Variants in ANGPT1 observed in about 807,000 individuals in gnomAD.
ANGPT1 encodes the protein angiopoietin-1.
Under a neutral mutation model 62.2 loss-of-function variants are expected in ANGPT1, and 17 were observed. The observed-to-expected ratio is 0.27, with a 90% CI of 0.19 to 0.41. The LOEUF (loss-of-function observed/expected upper bound fraction) is 0.41. ANGPT1 is among the 10% of genes least tolerant of loss of function. The probability of loss-of-function intolerance (pLI) is 1.00; values close to 1 mark genes in which losing one functional copy is unlikely to be tolerated. For missense variants in ANGPT1, 478 were observed against 594.9 expected (o/e 0.80, Z 2.04); for synonymous variants, 199 against 198.9 (o/e 1.00, Z 0.00).
At chr8:107,308,894 C>T (rs542819472) in intron 4 of ANGPT1, among the ~76,000 whole-genome samples, 1 of 152,262 alleles carries the variant, frequency 6.6e-6, no homozygotes, top group South Asian at 2.1e-4. Context: ...CCTGATCTTC[C>T]CTTCCTTTAC....
At chr8:107,416,437 G>A (rs1810747841) in intron 1 of ANGPT1, among the ~76,000 whole-genome samples, 1 of 152,282 alleles carries the variant, frequency 6.6e-6, no homozygotes, top group Admixed American at 6.5e-5. Flanking sequence ...CCAAGTGCAG[G>A]AGCCTTTCCT....
chr8:107,437,615 C>G (rs986504883), intron 1 of ANGPT1, among the ~76,000 whole-genome samples: 2 of 152,118 alleles, frequency 1.3e-5, no homozygotes, highest in Admixed American at 6.5e-5. Flanking sequence ...TTTAACCTTT[C>G]TTTTGCTGCT....
intron 1 of ANGPT1, among the ~76,000 whole-genome samples, chr8:107,424,553 T>C (rs1345086688): frequency 2.0e-5 from 3 of 152,100 alleles, no homozygotes; most frequent in Admixed American, 1.3e-4. Flanking sequence ...AAAAAAAAAT[T>C]GAATGTGATG....
chr8:107,411,253 C>A (rs955161122), intron 1 of ANGPT1, among the ~76,000 whole-genome samples: 1 of 152,116 alleles, frequency 6.6e-6, no homozygotes, highest in Non-Finnish European at 1.5e-5. Context: ...TATTTTGCCT[C>A]CCATGTTGAC....
chr8:107,340,828 T>C (rs1409843636), intron 2 of ANGPT1, among the ~76,000 whole-genome samples: 8 of 152,094 alleles, frequency 5.3e-5, no homozygotes, highest in African/African-American at 9.7e-5. Context: ...AACTTTGAAA[T>C]AGGCCCTGTT....
At chr8:107,345,377 G>T (rs966628393) in intron 2 of ANGPT1, among the ~76,000 whole-genome samples, 4 of 152,110 alleles carry the variant, frequency 2.6e-5, no homozygotes, top group East Asian at 1.9e-4. Context: ...TACATAGCAC[G>T]CATCTTAACA....
At chr8:107,391,485 G>A (rs1369876868) in intron 1 of ANGPT1, among the ~76,000 whole-genome samples, 1 of 152,086 alleles carries the variant, frequency 6.6e-6, no homozygotes, top group African/African-American at 2.4e-5. Flanking sequence ...TGGCCAACAT[G>A]GTGAAACCCC....
chr8:107,393,357 T>C (rs1816872335), intron 1 of ANGPT1, among the ~76,000 whole-genome samples: 1 of 152,158 alleles, frequency 6.6e-6, no homozygotes, highest in Admixed American at 6.6e-5. Context: ...AATGTCTATA[T>C]CTTAATTTTG....
Position 107,284,866 on chromosome 8 carries a change from G to T in ANGPT1, c.1039-18C>A. ...CCAAAACCCTGGGAAACAATATAGA[G>T]ATGCAGTTGTTACTTTAGAGAGGAA... On this transcript the variant is annotated intron_variant, in intron 6 of 8. Coordinates refer to ENST00000517746, the MANE Select transcript of ANGPT1 (RefSeq NM_001146.5). 6.5e-7 allele frequency: 1 copy of T among 1,532,484 alleles called. No individual in the cohort carries two copies. The highest frequency in any genetic ancestry group is 1.3e-5 in the South Asian group (1 of 74,644). 94.9% of individuals were successfully genotyped at this position (1,532,484 alleles called of 1,614,324 possible). A position where few individuals can be genotyped will look rare whatever the true frequency, so the allele number is the denominator to read the frequency against.
chr8:107,384,910 G>T (rs1233936946), intron 1 of ANGPT1, among the ~76,000 whole-genome samples: 3 of 152,064 alleles, frequency 2.0e-5, no homozygotes, highest in Non-Finnish European at 4.4e-5. Flanking sequence ...TGTTGGTTTT[G>T]TCAAAGATCA....
chr8:107,309,826 TTA>T (rs1303507583), intron 4 of ANGPT1, among the ~76,000 whole-genome samples: 2 of 152,062 alleles, frequency 1.3e-5, no homozygotes, highest in African/African-American at 2.4e-5. Context: ...TTGAATATGG[TTA>T]TATGTGTGTG....
At chr8:107,486,354 C>T (rs1468659421) in intron 1 of ANGPT1, among the ~76,000 whole-genome samples, 1 of 152,152 alleles carries the variant, frequency 6.6e-6, no homozygotes, top group Non-Finnish European at 1.5e-5. Context: ...GGGCAAGTTA[C>T]TTCCACTCTC....
rs1284156225 is a variant in ANGPT1 at position 107,250,452 on chromosome 8, A to G, written c.*1403T>C. On this transcript the variant is annotated 3_prime_UTR_variant, in exon 9 of 9. Coordinates refer to ENST00000517746, the MANE Select transcript of ANGPT1 (RefSeq NM_001146.5). Reference sequence around the variant, plus strand: ...CTTTTTGTATATATTTCCCTTACATATAATAGTTTTGCCAATTTTTCTCCC... The same window carrying G: ...CTTTTTGTATATATTTCCCTTACATGTAATAGTTTTGCCAATTTTTCTCCC... 6.6e-6 allele frequency: 1 copy of G among 152,124 alleles called. No individual in the cohort carries two copies. Among genetic ancestry groups the G allele is most frequent in the Non-Finnish European group, 1.5e-5 (1 of 67,996 alleles). The allele number at this position is 152,124 out of a possible 1,614,324, so 9.4% of individuals were successfully genotyped here.
At chr8:107,445,949 G>A (rs1440647826) in intron 1 of ANGPT1, among the ~76,000 whole-genome samples, 1 of 152,032 alleles carries the variant, frequency 6.6e-6, no homozygotes, top group African/African-American at 2.4e-5. Context: ...ATGAAGTCTA[G>A]CTCTGTCACC....
chr8:107,268,616 T>C (rs1464573369), intron 7 of ANGPT1, among the ~76,000 whole-genome samples: 1 of 152,148 alleles, frequency 6.6e-6, no homozygotes, highest in Non-Finnish European at 1.5e-5. Context: ...ACAATTTATT[T>C]GTATTGTATG....
At chr8:107,400,916 A>T (rs1817035286) in intron 1 of ANGPT1, among the ~76,000 whole-genome samples, 1 of 152,114 alleles carries the variant, frequency 6.6e-6, no homozygotes, top group Non-Finnish European at 1.5e-5. Context: ...TCATGCTAGG[A>T]AATGGCTTAT....
rs114858876 is a variant in ANGPT1, at chr8:107,371,810, C to T, written c.298-24713G>A. On this transcript the variant is annotated intron_variant, in intron 1 of 8. Coordinates refer to ENST00000517746, the MANE Select transcript of ANGPT1 (RefSeq NM_001146.5). ...TTCTATGGCATTTACCCAGGACTGCCTTTCCCCACAATAACTTCTCATTAC... is the reference window on the plus strand; with the variant it reads ...TTCTATGGCATTTACCCAGGACTGCTTTTCCCCACAATAACTTCTCATTAC... Among the ~76,000 whole-genome samples the T allele has an allele frequency of 3.7e-3, 564 of 152,128 alleles. 5 individuals carry two copies. Among genetic ancestry groups the T allele is most frequent in the African/African-American group, 0.013 (544 of 41,500 alleles).
chr8:107,355,830 C>T (rs1295907771), intron 1 of ANGPT1, among the ~76,000 whole-genome samples: 1 of 152,088 alleles, frequency 6.6e-6, no homozygotes, highest in African/African-American at 2.4e-5. Flanking sequence ...CACCACCCTT[C>T]CTTTCTACTT....
At chr8:107,375,519 A>G (rs1672184) in intron 1 of ANGPT1, among the ~76,000 whole-genome samples, 112,909 of 152,020 alleles carry the variant, frequency 0.74, 42,814 homozygotes, top group East Asian at 0.87. Context: ...AAGGCCAGCC[A>G]ATCCTCCACT....
Sources: gnomAD v4.1 joint callset for allele counts (sites outside exome capture counted in the v4.1 genomes callset) on GRCh38, gnomAD v4.1.1 for gene constraint, MANE v1.5 for transcripts, NCBI Gene and HGNC (gene_info 2026-07-23, HGNC 2026-07-21) for gene names.